FRMD7: variants seen among roughly 807,000 people sequenced by gnomAD.
The protein encoded by FRMD7 is FERM domain-containing protein 7.
FRMD7 carries 14 observed loss-of-function variants against 44.1 expected under a neutral mutation model. The observed-to-expected ratio is 0.32, with a 90% CI of 0.21 to 0.50. The LOEUF (loss-of-function observed/expected upper bound fraction) is 0.50. Among genes scored for constraint, FRMD7 ranks in the 20% least tolerant of loss-of-function variants. The pLI is 0.99. For synonymous variants in FRMD7, 212 were observed against 187.4 expected, an observed-to-expected ratio of 1.13 and a Z score of -1.07; for missense variants, 501 against 522.3, an observed-to-expected ratio of 0.96 and a Z score of 0.40.
At position 132,113,804 on chromosome X, in the gene FRMD7, G is replaced by A. The variant is rs143161413; in HGVS notation, c.58-13088C>T. On this transcript the variant is annotated intron_variant, in intron 1 of 11. Coordinates refer to ENST00000298542, the MANE Select transcript of FRMD7 (RefSeq NM_194277.3). ...CAAACAATCCAATTACACTCTTTTA[G>A]TTATTTTAAAATGTACAATTAAGTT... 7.1e-3 allele frequency among the ~76,000 whole-genome samples: 784 copies of A among 110,935 alleles called. 4 individuals are homozygous for A. Among genetic ancestry groups the A allele is most frequent in the African/African-American group, 0.024 (743 of 30,491 alleles).
intron 1 of FRMD7, among the ~76,000 whole-genome samples, chrX:132,125,298 C>T (rs1049599078): frequency 1.8e-5 from 2 of 111,802 alleles, no homozygotes; most frequent in Non-Finnish European, 3.8e-5. Context: ...TTTATCTGAT[C>T]ATGTGTCCTT....
chrX:132,081,919 C>T (rs991860576), intron 9 of FRMD7, among the ~76,000 whole-genome samples: 2 of 111,928 alleles, frequency 1.8e-5, no homozygotes, highest in Admixed American at 9.5e-5. Flanking sequence ...GCTTCAATTC[C>T]TCCAAAGTGT....
At chrX:132,112,047 A>AT (rs1207049987) in intron 1 of FRMD7, among the ~76,000 whole-genome samples, 1 of 112,095 alleles carries the variant, frequency 8.9e-6, no homozygotes, top group East Asian at 2.8e-4. Context: ...ATGTTCTGAC[A>AT]TTTTTTTAAA....
intron 1 of FRMD7, among the ~76,000 whole-genome samples, chrX:132,113,633 T>A (rs762236674): frequency 1.3e-4 from 14 of 111,762 alleles, no homozygotes; most frequent in Non-Finnish European, 2.1e-4. Context: ...TTTACCTCAC[T>A]TTACATTTTT....
At chrX:132,120,396 A>C (rs1452523145) in intron 1 of FRMD7, among the ~76,000 whole-genome samples, 1 of 112,815 alleles carries the variant, frequency 8.9e-6, no homozygotes, top group Non-Finnish European at 1.9e-5. Context: ...ACCAGGCAGC[A>C]GGCAGGCCTG....
At chrX:132,098,709 G>A (rs182650358) in intron 3 of FRMD7, among the ~76,000 whole-genome samples, 31 of 104,611 alleles carry the variant, frequency 3.0e-4, no homozygotes, top group African/African-American at 1.1e-3. Flanking sequence ...ATTTCTTTGG[G>A]AGTAATGTAG....
intron 4 of FRMD7, 107 bp from the exon 5 acceptor site, chrX:132,094,246 G>A (rs1455534081): frequency 5.4e-6 from 3 of 550,688 alleles, no homozygotes; most frequent in Non-Finnish European, 9.4e-6. Context: ...GGTGCCCCCA[G>A]TCAGTCAGAT....
chrX:132,085,332 A>G (rs1335740508), intron 7 of FRMD7, among the ~76,000 whole-genome samples: 2 of 111,999 alleles, frequency 1.8e-5, no homozygotes, highest in African/African-American at 6.5e-5. Flanking sequence ...ATATATAGAA[A>G]GAAGTCTCAC....
At chrX:132,111,089 TG>T (rs1222485962) in intron 1 of FRMD7, among the ~76,000 whole-genome samples, 2 of 111,182 alleles carry the variant, frequency 1.8e-5, no homozygotes, top group Non-Finnish European at 3.8e-5. Context: ...GAGGCTGAGG[TG>T]GGAGCCCAGG....
rs759731380 is a variant in FRMD7 at position 132,086,068 on chromosome X, C to T, written c.383-34G>A. The T allele has an allele frequency of 1.1e-5, 10 of 909,503 alleles. No individual in the cohort carries two copies. In the East Asian group the frequency reaches 3.1e-4, roughly 28 times the overall value. The allele number at this position is 909,503 out of a possible 1,213,427, so 75.0% of individuals were successfully genotyped here. ...CAGGAAAAAGACATTTTTCACATTA[C>T]CTTTGAGGAACTTAGCAATGGAGCA... On this transcript the variant is annotated intron_variant, in intron 5 of 11. Coordinates refer to ENST00000298542, the MANE Select transcript of FRMD7 (RefSeq NM_194277.3).
chrX:132,105,317 A>G (rs979662126), intron 1 of FRMD7, among the ~76,000 whole-genome samples: 2 of 111,863 alleles, frequency 1.8e-5, no homozygotes, highest in Non-Finnish European at 3.8e-5. Flanking sequence ...ATATATATGT[A>G]TATGATTTGT....
chrX:132,078,904 T>C lies in FRMD7; in HGVS notation c.1113A>G (p.Ala371=), dbSNP rs1927716320. The change falls in exon 12 of 12, where the codon GCA becomes GCG. Residue 371 remains alanine, a synonymous_variant. Transcript: ENST00000298542. The part of the protein sequence containing the change: ...GYYQNVNGVH[A]SEPVLESRRR... ...TCCTACTCTCCAGCACTGGCTCAGATGCGTGCACTCCATTCACATTTTGGT... is the reference window on the plus strand; with the variant it reads ...TCCTACTCTCCAGCACTGGCTCAGACGCGTGCACTCCATTCACATTTTGGT... The C allele has an allele frequency of 1.7e-5, 21 of 1,204,987 alleles. No individual in the cohort carries two copies. Among genetic ancestry groups the C allele is most frequent in the Non-Finnish European group, 2.4e-5 (21 of 890,849 alleles).
At chrX:132,113,802 T>C (rs1384952282) in intron 1 of FRMD7, among the ~76,000 whole-genome samples, 1 of 111,369 alleles carries the variant, frequency 9.0e-6, no homozygotes, top group East Asian at 2.8e-4. Context: ...TACACTCTTT[T>C]AGTTATTTTA....
intron 6 of FRMD7, 82 bp from the exon 7 acceptor site, chrX:132,085,810 C>T (rs948543674): frequency 2.3e-5 from 24 of 1,055,934 alleles, no homozygotes; most frequent in Non-Finnish European, 2.5e-5. Flanking sequence ...AGGATCTCAG[C>T]GTTTCATGGA....
chrX:132,126,351 C>T (rs936897496), intron 1 of FRMD7, among the ~76,000 whole-genome samples: 2 of 111,642 alleles, frequency 1.8e-5, no homozygotes, highest in Non-Finnish European at 3.8e-5. Flanking sequence ...TTCCAAGGAA[C>T]ACAATGTGTT....
intron 9 of FRMD7, among the ~76,000 whole-genome samples, 196 bp from the exon 10 acceptor site, chrX:132,080,462 TA>T (rs1927771766): frequency 8.9e-6 from 1 of 112,256 alleles, no homozygotes; most frequent in Non-Finnish European, 1.9e-5. Context: ...AGAACGCAGG[TA>T]ATTTTTAAAG....
At chrX:132,087,836 A>G (rs1928041529) in intron 5 of FRMD7, among the ~76,000 whole-genome samples, 2 of 111,815 alleles carry the variant, frequency 1.8e-5, no homozygotes, top group Admixed American at 1.9e-4. Flanking sequence ...GCAGCATATG[A>G]AAAGGATTAT....
Position 132,085,628 on chromosome X carries a change from T to C in FRMD7, c.598A>G (p.Met200Val). 1 of 1,209,540 alleles carries C rather than the reference T, an allele frequency of 8.3e-7. No homozygotes were observed. Reference protein sequence around the residue: ...RPHPASDGEGMQIHLAVAHMG... With the variant: ...RPHPASDGEGVQIHLAVAHMG... The stretch of plus-strand genomic sequence containing the variant: ...TGAGCAACAGCCAGGTGAATCTGCA[T>C]CCCTTCACCATCACTGGCGGGGTGA... Residue 200 changes from methionine to valine, a missense_variant, in exon 7 of 12, where the codon ATG (methionine) becomes GTG (valine). Met to Val is a conservative substitution (Grantham distance 21). This residue lies in a region of FRMD7 where 453 missense variants were observed against 452.7 expected (regional missense o/e 1.00). Coordinates refer to ENST00000298542, the MANE Select transcript of FRMD7 (RefSeq NM_194277.3).
At chrX:132,085,456 C>A in intron 7 of FRMD7, 125 bp downstream of exon 7, 2 of 579,948 alleles carry the variant, frequency 3.4e-6, no homozygotes, top group South Asian at 2.8e-5. Context: ...TATGATTGAC[C>A]ATTTCCCTTT....
Sources: allele counts gnomAD v4.1 joint callset (sites outside exome capture counted in the v4.1 genomes callset), GRCh38; gene constraint gnomAD v4.1.1; regional missense constraint gnomAD v4.1.1; transcripts MANE v1.5; gene names NCBI Gene and HGNC (gene_info 2026-07-23, HGNC 2026-07-21).